The following RHBDD1 variants were observed in gnomAD, a reference collection of about 807,000 sequenced individuals.
RHBDD1 encodes rhomboid domain containing 1.
Under a neutral mutation model 36.3 loss-of-function variants are expected in RHBDD1, and 38 were observed. The observed-to-expected ratio is 1.05, with a 90% CI of 0.81 to 1.37. The LOEUF is 1.37. RHBDD1 is among the 40% of genes most tolerant of loss of function. The probability of loss-of-function intolerance (pLI) is 0.00; values close to 1 mark genes in which losing one functional copy is unlikely to be tolerated. For missense variants in RHBDD1, 393 were observed against 377.6 expected (o/e 1.04, Z -0.34); for synonymous variants, 151 against 136.5 (o/e 1.11, Z -0.74).
At chr2:226,942,213 T>C (rs1950704319) in intron 8 of RHBDD1, among the ~76,000 whole-genome samples, 1 of 151,962 alleles carries the variant, frequency 6.6e-6, no homozygotes, top group South Asian at 2.1e-4. Context: ...GTTTGTATTC[T>C]TGGAGTTAGA....
At chr2:226,848,956 G>A (rs1483304945) in intron 3 of RHBDD1, among the ~76,000 whole-genome samples, 2 of 152,274 alleles carry the variant, frequency 1.3e-5, no homozygotes, top group African/African-American at 2.4e-5. Context: ...ACTTTGGCTC[G>A]TGGTTTGGCT....
Sources: gnomAD v4.1 joint callset for allele counts (sites outside exome capture counted in the v4.1 genomes callset) on GRCh38, gnomAD v4.1.1 for gene constraint, MANE v1.5 for transcripts, NCBI Gene and HGNC (gene_info 2026-07-23, HGNC 2026-07-21) for gene names.